The following R3HDM1 variants were observed in gnomAD, a reference collection of about 807,000 sequenced individuals.
The protein encoded by R3HDM1 is R3H domain containing 1, also known as R3H domain-containing protein 1.
R3HDM1 carries 46 observed loss-of-function variants against 141.1 expected under a neutral mutation model. That is an observed-to-expected ratio of 0.33 (90% CI 0.26 to 0.42). R3HDM1 has a LOEUF of 0.42. Among genes scored for constraint, R3HDM1 ranks in the 10% least tolerant of loss-of-function variants. R3HDM1 has a pLI of 1.00. For missense variants in R3HDM1, 1,184 were observed against 1,368.3 expected (o/e 0.87, Z 2.12); for synonymous variants, 435 against 472.9 (o/e 0.92, Z 1.04).
At chr2:135,700,533 TA>T (rs2074055083) in intron 21 of R3HDM1, among the ~76,000 whole-genome samples, 1 of 152,188 alleles carries the variant, frequency 6.6e-6, no homozygotes, top group African/African-American at 2.4e-5. Context: ...TAGGGTGGTT[TA>T]AAAAGGCAGA....
intron 26 of R3HDM1, among the ~76,000 whole-genome samples, 159 bp from the exon 27 acceptor site, chr2:135,723,778 C>CCAAA (rs2076933866): frequency 1.8e-5 from 1 of 55,320 alleles, no homozygotes; most frequent in African/African-American, 6.9e-5. Flanking sequence ...CTCCATCTCC[C>CCAAA]AAAAAAAAAA....
chr2:135,657,432 G>A (rs1010861595), intron 18 of R3HDM1, among the ~76,000 whole-genome samples: 9 of 150,964 alleles, frequency 6.0e-5, no homozygotes, highest in Admixed American at 2.0e-4. Context: ...AAAAAGATAC[G>A]TTTTTTAATT....
intron 1 of R3HDM1, among the ~76,000 whole-genome samples, chr2:135,571,930 G>C (rs6730265): frequency 0.16 from 24,709 of 152,078 alleles, 5,530 homozygotes; most frequent in African/African-American, 0.51. Flanking sequence ...GTGGCCTGCA[G>C]AATTTTATTT....
intron 1 of R3HDM1, among the ~76,000 whole-genome samples, chr2:135,585,358 A>C (rs892295070): frequency 1.3e-5 from 2 of 152,252 alleles, no homozygotes; most frequent in African/African-American, 4.8e-5. Flanking sequence ...TAAACTCTAC[A>C]TGACTTAACA....
chr2:135,595,048 A>C (rs1469773528), intron 1 of R3HDM1, among the ~76,000 whole-genome samples: 1 of 150,912 alleles, frequency 6.6e-6, no homozygotes, highest in Non-Finnish European at 1.5e-5. Flanking sequence ...TTCAATCTAT[A>C]TAGTGATTCT....
intron 23 of R3HDM1, among the ~76,000 whole-genome samples, chr2:135,712,588 T>A (rs1003125031): frequency 6.6e-6 from 1 of 151,970 alleles, no homozygotes; most frequent in Non-Finnish European, 1.5e-5. Flanking sequence ...TAACTTTTTT[T>A]AAAAGATACA....
At chr2:135,615,295 G>T (rs1333759623) in intron 3 of R3HDM1, among the ~76,000 whole-genome samples, 1 of 151,470 alleles carries the variant, frequency 6.6e-6, no homozygotes, top group African/African-American at 2.4e-5. Context: ...TAAGGATTTT[G>T]TATCTGTTTT....
At chr2:135,653,346 A>G (rs1231109159) in intron 18 of R3HDM1, among the ~76,000 whole-genome samples, 1 of 151,944 alleles carries the variant, frequency 6.6e-6, no homozygotes, top group Admixed American at 6.6e-5. Context: ...ACAGAGCAAG[A>G]CTCCATCTCA....
At chr2:135,560,500 G>T (rs1701605953) in intron 1 of R3HDM1, among the ~76,000 whole-genome samples, 2 of 152,128 alleles carry the variant, frequency 1.3e-5, no homozygotes, top group Non-Finnish European at 2.9e-5. Context: ...TTTTAGTAGA[G>T]ACGGGGTTTC....
intron 1 of R3HDM1, among the ~76,000 whole-genome samples, chr2:135,591,319 A>C (rs1423575581): frequency 6.6e-6 from 1 of 152,222 alleles, no homozygotes; most frequent in East Asian, 1.9e-4. Context: ...ATAGAGATAC[A>C]TTCATTTAGT....
At chr2:135,657,918 A>G (rs1249003723) in intron 18 of R3HDM1, among the ~76,000 whole-genome samples, 1 of 152,310 alleles carries the variant, frequency 6.6e-6, no homozygotes, top group Non-Finnish European at 1.5e-5. Context: ...ATTCTGAGAA[A>G]TTTATCTCTA....
chr2:135,683,251 T>C (rs970321552), intron 21 of R3HDM1, among the ~76,000 whole-genome samples: 27 of 151,926 alleles, frequency 1.8e-4, no homozygotes, highest in Non-Finnish European at 4.4e-5. Context: ...AGTCAAGTCA[T>C]GTACAGAATT....
chr2:135,557,392 G>A (rs993699523), intron 1 of R3HDM1, among the ~76,000 whole-genome samples: 1 of 151,890 alleles, frequency 6.6e-6, no homozygotes, highest in Non-Finnish European at 1.5e-5. Context: ...ACTTTAAATT[G>A]TAAGTGATAC....
intron 21 of R3HDM1, among the ~76,000 whole-genome samples, chr2:135,690,894 G>C (rs890266185): frequency 6.6e-6 from 1 of 151,926 alleles, no homozygotes; most frequent in Non-Finnish European, 1.5e-5. Context: ...GTAATACTTT[G>C]GATTTAAATT....
rs977447754 is a variant in R3HDM1 at position 135,590,650 on chromosome 2, G to A, written c.-249-11850G>A. The A allele has an allele frequency of 7.1e-6, 7 of 985,190 alleles. No individual in the cohort carries two copies. In the Admixed American group the frequency reaches 3.7e-4, roughly 52 times the overall value. 61.0% of individuals were successfully genotyped at this position (985,190 alleles called of 1,614,324 possible). On this transcript the variant is annotated intron_variant, in intron 1 of 26. Coordinates refer to ENST00000683871, the MANE Select transcript of R3HDM1 (RefSeq NM_001378107.1). ...CTTTAAAGAGAAATTATATCTGCTA[G>A]CTCTACATGTATAGTATGTAGTGTG...
At position 135,621,521 on chromosome 2, in the gene R3HDM1, T is replaced by C. The variant is rs772022440; in HGVS notation, c.331T>C (p.Ser111Pro). 1.3e-6 allele frequency: 2 copies of C among 1,593,508 alleles called. No homozygotes were observed. Among genetic ancestry groups the C allele is most frequent in the Non-Finnish European group, 8.5e-7 (1 of 1,171,578 alleles). ...QEKIQIQLTQSFEKEEKPSKD... is the reference protein window; with the variant it reads ...QEKIQIQLTQPFEKEEKPSKD... ...GAAAATTCAGATCCAGTTAACACAA[T>C]CATTTGAGAAAGAAGAGAAGCCCTC... The change falls in exon 6 of 27, where the codon TCA becomes CCA. Residue 111 changes from serine (S) to proline (P), a missense_variant. By Grantham distance (74) the Ser-to-Pro change is moderately conservative. This residue lies in a region of R3HDM1 where 192 missense variants were observed against 215.7 expected (regional missense o/e 0.89). Coordinates refer to ENST00000683871, the MANE Select transcript of R3HDM1 (RefSeq NM_001378107.1).
chr2:135,604,046 G>A (rs2059845388), intron 2 of R3HDM1, among the ~76,000 whole-genome samples: 1 of 152,158 alleles, frequency 6.6e-6, no homozygotes. Flanking sequence ...GGAATCTTAT[G>A]TATTTGATTT....
chr2:135,701,609 C>G (rs1245255402), intron 21 of R3HDM1, among the ~76,000 whole-genome samples: 1 of 152,096 alleles, frequency 6.6e-6, no homozygotes, highest in African/African-American at 2.4e-5. Flanking sequence ...TCTAGATCAT[C>G]AAGTCGTGAC....
intron 16 of R3HDM1, among the ~76,000 whole-genome samples, chr2:135,647,594 T>C (rs920893820): frequency 1.3e-5 from 2 of 152,186 alleles, no homozygotes; most frequent in African/African-American, 4.8e-5. Context: ...TCATAACTTA[T>C]TTTTCTAGCA....
Sources: allele counts gnomAD v4.1 joint callset (sites outside exome capture counted in the v4.1 genomes callset), GRCh38; gene constraint gnomAD v4.1.1; regional missense constraint gnomAD v4.1.1; transcripts MANE v1.5; gene names NCBI Gene and HGNC (gene_info 2026-07-23, HGNC 2026-07-21).